Variants in NRXN1 observed in about 807,000 individuals in gnomAD.
The protein encoded by NRXN1 is neurexin-1.
A neutral mutation model predicts 150.9 loss-of-function variants in NRXN1; 39 were observed. That is an observed-to-expected ratio of 0.26 (90% CI 0.20 to 0.34). NRXN1 has a LOEUF of 0.34. Among genes scored for constraint, NRXN1 ranks in the 10% least tolerant of loss-of-function variants. NRXN1 has a pLI of 1.00. For synonymous variants in NRXN1, 924 were observed against 757.0 expected (o/e 1.22, Z -3.62); for missense variants, 1,815 against 1,949.9 (o/e 0.93, Z 1.30).
At chr2:50,216,182 C>T (rs553563791) in intron 18 of NRXN1, among the ~76,000 whole-genome samples, 9 of 151,826 alleles carry the variant, frequency 5.9e-5, no homozygotes, top group African/African-American at 7.3e-5. Flanking sequence ...GATCCCACCA[C>T]GGCACCCCAG....
intron 17 of NRXN1, among the ~76,000 whole-genome samples, chr2:50,327,042 T>G (rs2076431684): frequency 1.3e-5 from 2 of 152,226 alleles, no homozygotes; most frequent in African/African-American, 2.4e-5. Flanking sequence ...TTTCCTAGCC[T>G]TTCCACTTTT....
At chr2:51,027,442 C>T in intron 2 of NRXN1, 60 bp downstream of exon 2, 2 of 1,459,466 alleles carry the variant, frequency 1.4e-6, no homozygotes, top group South Asian at 2.9e-5. Flanking sequence ...CCAGCCCGGT[C>T]CCCTCCTCCC....
At chr2:50,420,962 C>CTGTGTGTGTGTG (rs4032055) in intron 17 of NRXN1, among the ~76,000 whole-genome samples, 25 of 120,026 alleles carry the variant, frequency 2.1e-4, no homozygotes, top group African/African-American at 4.8e-4. Context: ...CAAAATAGAC[C>CTGTGTGTGTGTG]TGTGTGTGTG....
intron 8 of NRXN1, among the ~76,000 whole-genome samples, chr2:50,572,228 A>C (rs1253703712): frequency 1.3e-5 from 2 of 152,216 alleles, no homozygotes; most frequent in Non-Finnish European, 2.9e-5. Context: ...CTGTGCCCAA[A>C]CAACCAGCCA....
chr2:49,966,557 A>T (rs535865250), intron 21 of NRXN1: 1 of 152,142 alleles, frequency 6.6e-6, no homozygotes, highest in African/African-American at 2.4e-5. Flanking sequence ...CACACTCTAA[A>T]ATCATGAAAT....
At chr2:49,924,453 T>C (rs1469489976) in intron 22 of NRXN1, among the ~76,000 whole-genome samples, 1 of 152,138 alleles carries the variant, frequency 6.6e-6, no homozygotes, top group African/African-American at 2.4e-5. Context: ...GACTATCTTA[T>C]CAAAAAAATT....
intron 18 of NRXN1, among the ~76,000 whole-genome samples, chr2:50,091,980 TAGTC>T (rs528119540): frequency 2.8e-4 from 42 of 152,332 alleles, no homozygotes; most frequent in Non-Finnish European, 4.9e-4. Flanking sequence ...TGCAGTCCCT[TAGTC>T]AGTATTCACA....
chr2:50,166,688 T>C (rs1163286931), intron 18 of NRXN1, among the ~76,000 whole-genome samples: 1 of 152,198 alleles, frequency 6.6e-6, no homozygotes, highest in East Asian at 1.9e-4. Context: ...ATTAAATGCA[T>C]ACTATTTATT....
chr2:50,281,298 CAG>C (rs1558444257), intron 17 of NRXN1, among the ~76,000 whole-genome samples: 1 of 149,664 alleles, frequency 6.7e-6, no homozygotes, highest in South Asian at 2.1e-4. Flanking sequence ...GCCTCGGTGA[CAG>C]AGCAAGACTC....
rs539504939 is a variant in NRXN1, at chr2:50,735,065, G to A, written c.833-111450C>T. On this transcript the variant is annotated intron_variant, in intron 5 of 22. Transcript: ENST00000401669. ...CTCCACTTGGCTGTTAGAGTGAAAT[G>A]GTGTTAGACTATTCTCATTAACTTT... 2.0e-5 allele frequency among the ~76,000 whole-genome samples: 3 copies of A among 152,192 alleles called. No homozygotes were observed. The East Asian group carries it at 5.8e-4, about 29-fold the overall frequency.
chr2:51,004,069 G>GAA (rs35431808), intron 2 of NRXN1, among the ~76,000 whole-genome samples: 2 of 143,620 alleles, frequency 1.4e-5, no homozygotes, highest in African/African-American at 2.5e-5. Context: ...GGTGGTGGGG[G>GAA]AAAAAAAAAA....
At chr2:51,004,990 C>T (rs1356561378) in intron 2 of NRXN1, among the ~76,000 whole-genome samples, 1 of 151,914 alleles carries the variant, frequency 6.6e-6, no homozygotes, top group Non-Finnish European at 1.5e-5. Flanking sequence ...AATATGCATG[C>T]CTATATCTAC....
intron 5 of NRXN1, among the ~76,000 whole-genome samples, chr2:50,684,774 T>G (rs927136512): frequency 1.3e-5 from 2 of 152,210 alleles, no homozygotes; most frequent in Non-Finnish European, 2.9e-5. Context: ...GGTAAAACCC[T>G]GAAATCTTAC....
chr2:50,651,414 A>C (rs936094429), intron 5 of NRXN1, among the ~76,000 whole-genome samples: 3 of 151,896 alleles, frequency 2.0e-5, no homozygotes, highest in African/African-American at 7.2e-5. Context: ...GGAGCTCAAG[A>C]CCAGCCTGGG....
chr2:49,936,961 G>T (rs1436707983), intron 22 of NRXN1, among the ~76,000 whole-genome samples: 1 of 152,140 alleles, frequency 6.6e-6, no homozygotes, highest in East Asian at 1.9e-4. Context: ...ACAAAGATAG[G>T]CTTCTTCCTG....
intron 17 of NRXN1, among the ~76,000 whole-genome samples, chr2:50,364,453 A>G (rs2079444385): frequency 6.6e-6 from 1 of 152,132 alleles, no homozygotes; most frequent in South Asian, 2.1e-4. Context: ...ATCCCATTCC[A>G]GCTAATATTT....
At chr2:50,219,922 C>CTATATTATA (rs1559114874) in intron 18 of NRXN1, among the ~76,000 whole-genome samples, 1 of 87,952 alleles carries the variant, frequency 1.1e-5, no homozygotes, top group African/African-American at 5.8e-5. Context: ...AAATCTCTCT[C>CTATATTATA]TATATTATAT....
At chr2:50,110,023 C>G (rs1244571468) in intron 18 of NRXN1, among the ~76,000 whole-genome samples, 1 of 151,998 alleles carries the variant, frequency 6.6e-6, no homozygotes, top group Non-Finnish European at 1.5e-5. Context: ...TCTATGTTTA[C>G]TATGTAAGAG....
chr2:50,054,692 T>A (rs950221792), intron 20 of NRXN1, among the ~76,000 whole-genome samples: 4 of 152,194 alleles, frequency 2.6e-5, no homozygotes, highest in African/African-American at 9.6e-5. Context: ...CCTCATAGAT[T>A]GAGTTAGTGG....
Sources: allele counts gnomAD v4.1 joint callset (sites outside exome capture counted in the v4.1 genomes callset), GRCh38; gene constraint gnomAD v4.1.1; transcripts MANE v1.5; gene names NCBI Gene and HGNC (gene_info 2026-07-23, HGNC 2026-07-21).